Variants in GAREM2 observed in about 807,000 individuals in gnomAD.
GAREM2 encodes the protein GRB2 associated regulator of MAPK1 subtype 2, also known as GRB2-associated and regulator of MAPK protein 2.
A neutral mutation model predicts 55.6 loss-of-function variants in GAREM2; 30 were observed. The ratio of observed to expected loss-of-function variants is 0.54; its 90% CI spans 0.40 to 0.73. The LOEUF (loss-of-function observed/expected upper bound fraction) is 0.73. GAREM2 is among the 30% of genes least tolerant of loss of function. GAREM2 has a pLI of 0.00. For missense variants in GAREM2, 1,075 were observed against 1,257.7 expected (o/e 0.85, Z 2.20); for synonymous variants, 550 against 569.1 (o/e 0.97, Z 0.48).
At position 26,184,366 on chromosome 2, in the gene GAREM2, C is replaced by A; in HGVS notation, c.518C>A (p.Thr173Asn). ...ACCAAGGAGCGCTCGCGCTTCACCA[C>A]CCTCCTGCGAAAGCTGGGCCGGGCC... ...KTTKERSRFT[T>N]LLRKLGRAGA... The change falls in exon 4 of 6, where the codon ACC (threonine) becomes AAC (asparagine). Residue 173 changes from threonine to asparagine, a missense_variant. By Grantham distance (65) the Thr-to-Asn change is moderately conservative (BLOSUM62 0). This residue lies in a region of GAREM2 where 230 missense variants were observed against 310.6 expected (regional missense o/e 0.74). Transcript: ENST00000401533. 1.3e-6 allele frequency: 2 copies of A among 1,545,174 alleles called. No homozygotes were observed. Among genetic ancestry groups the A allele is most frequent in the Middle Eastern group, 1.7e-4 (1 of 5,950 alleles).
the GAREM2 span, among the ~76,000 whole-genome samples, chr2:26,202,681 C>T: frequency 6.6e-6 from 1 of 152,196 alleles, no homozygotes; most frequent in Non-Finnish European, 1.5e-5. Flanking sequence ...GCAGAGGTTG[C>T]AGTGAGCCAA....
At chr2:26,203,196 TA>T in the GAREM2 span, among the ~76,000 whole-genome samples, 1 of 152,356 alleles carries the variant, frequency 6.6e-6, no homozygotes, top group African/African-American at 2.4e-5. Context: ...AGGTCCTGGT[TA>T]GCATTATGGC....
At chr2:26,187,124 G>A (rs1158852166) in intron 5 of GAREM2, 107 bp from the exon 6 acceptor site, 10 of 1,318,716 alleles carry the variant, frequency 7.6e-6, no homozygotes, top group Admixed American at 4.0e-5. Flanking sequence ...GTGCAGGCCC[G>A]TGTTGCTGAG....
chr2:26,194,459 A>T, downstream of GAREM2: 1 of 772,008 alleles, frequency 1.3e-6, no homozygotes, highest in Non-Finnish European at 2.3e-6. Flanking sequence ...CCTAGACAAG[A>T]GCAGGAGTTG....
chr2:26,183,127 C>G (rs187679461), intron 3 of GAREM2, 30 bp downstream of exon 3: 1 of 1,549,260 alleles, frequency 6.5e-7, no homozygotes, highest in Non-Finnish European at 8.7e-7. Context: ...GGTGTGGTGT[C>G]CCCACACTAC....
At chr2:26,194,030 T>C (rs1669589255), downstream of GAREM2, among the ~76,000 whole-genome samples, 1 of 152,234 alleles carries the variant, frequency 6.6e-6, no homozygotes, top group African/African-American at 2.4e-5. Flanking sequence ...TCTTCTTGTT[T>C]GCATTTCTGA....
At chr2:26,194,552 C>G, downstream of GAREM2, 1 of 1,533,858 alleles carries the variant, frequency 6.5e-7, no homozygotes, top group South Asian at 1.1e-5. Flanking sequence ...CGCAAACACT[C>G]TGGAGAGCAA....
At chr2:26,193,624 C>T, downstream of GAREM2, 1 of 1,614,076 alleles carries the variant, frequency 6.2e-7, no homozygotes, top group Non-Finnish European at 8.5e-7. Flanking sequence ...TGGGTTTCCA[C>T]CTCCAAACCG....
At position 26,185,050 on chromosome 2, in the gene GAREM2, CCGCCGGCGAGGGCGACCAGGAGTA is replaced by C; in HGVS notation, c.1205_1228del (p.Ala402_Tyr409del). On this transcript the variant is annotated inframe_deletion, in exon 4 of 6. Transcript: ENST00000401533. ...GCCCCCGGCCCGCTAGCGCCGGCTC[CCGCCGGCGAGGGCGACCAGGAGTA>C]CGTGAGCCCCGACTGGGCAGCCGCG... 8.2e-7 allele frequency: 1 copy of C among 1,225,216 alleles called. No homozygotes were observed. Among genetic ancestry groups the C allele is most frequent in the Non-Finnish European group, 1.0e-6 (1 of 982,958 alleles). The allele number at this position is 1,225,216 out of a possible 1,614,324, so 75.9% of individuals were successfully genotyped here.
the GAREM2 span, among the ~76,000 whole-genome samples, chr2:26,196,064 TTATC>T: frequency 1.3e-5 from 2 of 152,248 alleles, no homozygotes; most frequent in Non-Finnish European, 2.9e-5. Context: ...TGGCTGCTCA[TTATC>T]TACCTGCTCT....
chr2:26,195,605 T>A, the GAREM2 span, among the ~76,000 whole-genome samples: 1 of 85,380 alleles, frequency 1.2e-5, no homozygotes, highest in Admixed American at 1.2e-4. Context: ...TGGGCGGGGG[T>A]GGGGCAGGCA....
chr2:26,204,164 C>T, the GAREM2 span: 2 of 1,613,686 alleles, frequency 1.2e-6, no homozygotes, highest in African/African-American at 1.3e-5. Context: ...GATGCCTGCT[C>T]CCATCAGCCC....
At chr2:26,191,496 C>CG (rs1574600309), downstream of GAREM2, 1 of 1,614,156 alleles carries the variant, frequency 6.2e-7, no homozygotes, top group Non-Finnish European at 8.5e-7. Context: ...CCAGACAAGG[C>CG]GGGAAGCCAA....
intron 2 of GAREM2, among the ~76,000 whole-genome samples, chr2:26,177,372 T>C (rs1668896179): frequency 6.6e-6 from 1 of 152,224 alleles, no homozygotes; most frequent in African/African-American, 2.4e-5. Context: ...ATGTGCTGCA[T>C]GCCATATGCT....
intron 4 of GAREM2, among the ~76,000 whole-genome samples, chr2:26,185,963 A>G (rs2147738602): frequency 6.6e-6 from 1 of 152,160 alleles, no homozygotes; most frequent in African/African-American, 2.4e-5. Flanking sequence ...AAGGAACAGG[A>G]AGGAGGCTGT....
chr2:26,184,451 T>G lies in GAREM2; in HGVS notation c.603T>G (p.Thr201=), dbSNP rs1288802342. ...CGAGCGCGGGGGCCGCGGGAGGCACTGGCGGCGGGGGCGCCAGGCCGGTCA... is the reference window on the plus strand; with the variant it reads ...CGAGCGCGGGGGCCGCGGGAGGCACGGGCGGCGGGGGCGCCAGGCCGGTCA... ...GPASAGAAGG[T]GGGGARPVKG... The change falls in exon 4 of 6, where the codon ACT becomes ACG. Residue 201 remains threonine (T), a synonymous_variant. Transcript: ENST00000401533. 3 of 1,487,126 alleles carry G rather than the reference T, an allele frequency of 2.0e-6. No homozygotes were observed. Among genetic ancestry groups the G allele is most frequent in the East Asian group, 6.0e-5 (2 of 33,400 alleles). The allele number at this position is 1,487,126 out of a possible 1,614,324, so 92.1% of individuals were successfully genotyped here.
chr2:26,184,113 A>G (rs2147733695), intron 3 of GAREM2, 120 bp from the exon 4 acceptor site: 2 of 1,431,772 alleles, frequency 1.4e-6, no homozygotes, highest in Non-Finnish European at 1.9e-6. Flanking sequence ...CCTACCATCT[A>G]GTCCGAGCCC....
At chr2:26,178,416 C>A (rs992367065) in intron 2 of GAREM2, among the ~76,000 whole-genome samples, 1 of 151,978 alleles carries the variant, frequency 6.6e-6, no homozygotes, top group East Asian at 1.9e-4. Flanking sequence ...AACAACCCCC[C>A]CCCCCAACAA....
Position 26,187,307 on chromosome 2 carries a change from G to C in GAREM2, c.1675G>C (p.Asp559His), listed in dbSNP as rs1212765359. Reference protein sequence around the residue: ...SLYCYPCTWGDCKVGESSSRP... With the variant: ...SLYCYPCTWGHCKVGESSSRP... ...CTATTGCTACCCATGCACCTGGGGAGACTGCAAGGTGGGCGAGTCCTCTAG... is the reference window on the plus strand; with the variant it reads ...CTATTGCTACCCATGCACCTGGGGACACTGCAAGGTGGGCGAGTCCTCTAG... Residue 559 changes from aspartate to histidine, a missense_variant, in exon 6 of 6, where the codon GAC (aspartate) becomes CAC (histidine). Physicochemically the swap from Asp to His is moderately conservative, Grantham distance 81 (BLOSUM62 -1). Coordinates refer to ENST00000401533, the MANE Select transcript of GAREM2 (RefSeq NM_001168241.2). 6.6e-7 allele frequency: 1 copy of C among 1,518,164 alleles called. No homozygotes were observed. The highest frequency in any genetic ancestry group is 1.3e-5 in the South Asian group (1 of 79,574). The allele number at this position is 1,518,164 out of a possible 1,614,324, so 94.0% of individuals were successfully genotyped here. A position where few individuals can be genotyped will look rare whatever the true frequency, so the allele number is the denominator to read the frequency against.
Sources: gnomAD v4.1 joint callset for allele counts (sites outside exome capture counted in the v4.1 genomes callset) on GRCh38, gnomAD v4.1.1 for gene constraint, gnomAD v4.1.1 regional missense constraint, MANE v1.5 for transcripts, NCBI Gene and HGNC (gene_info 2026-07-23, HGNC 2026-07-21) for gene names.